ZNF385B: variants seen among roughly 807,000 people sequenced by gnomAD.
The protein encoded by ZNF385B is zinc finger protein 385B, also known as zinc finger protein 533.
Under a neutral mutation model 39.2 loss-of-function variants are expected in ZNF385B, and 23 were observed. The observed-to-expected ratio is 0.59, with a 90% CI of 0.42 to 0.83. The LOEUF is 0.83. Ranked by LOEUF, ZNF385B falls within the 40% of genes least tolerant of loss-of-function variation. The pLI, the probability that ZNF385B is intolerant of heterozygous loss-of-function variation, is 0.00. For missense variants in ZNF385B, 552 were observed against 598.9 expected, an observed-to-expected ratio of 0.92 and a Z score of 0.82; for synonymous variants, 205 against 222.6, an observed-to-expected ratio of 0.92 and a Z score of 0.70.
chr2:179,833,840 G>A (rs1708107398), intron 1 of ZNF385B, among the ~76,000 whole-genome samples: 1 of 151,972 alleles, frequency 6.6e-6, no homozygotes. Context: ...AAGAATGCAG[G>A]TAACTTGTGG....
chr2:179,666,261 A>G (rs1250543253), intron 3 of ZNF385B, among the ~76,000 whole-genome samples: 1 of 152,194 alleles, frequency 6.6e-6, no homozygotes, highest in Non-Finnish European at 1.5e-5. Context: ...ACTGAAAATC[A>G]TGTATTTTAT....
chr2:179,557,830 G>A (rs1169213408), intron 3 of ZNF385B, among the ~76,000 whole-genome samples: 4 of 151,956 alleles, frequency 2.6e-5, no homozygotes, highest in Admixed American at 2.6e-4. Context: ...CCCAAGTAAT[G>A]AACATAGTAC....
At chr2:179,798,133 G>A (rs1041995884) in intron 1 of ZNF385B, among the ~76,000 whole-genome samples, 2 of 151,526 alleles carry the variant, frequency 1.3e-5, no homozygotes, top group Admixed American at 6.6e-5. Context: ...CATGTGTTTC[G>A]ATCTATTACT....
At chr2:179,860,777 T>A in intron 1 of ZNF385B, 1 of 462,486 alleles carries the variant, frequency 2.2e-6, no homozygotes, top group South Asian at 1.6e-5. Context: ...TCCTCGTCCT[T>A]TCCCCTCTCC....
At chr2:179,851,795 A>G (rs1347001666) in intron 1 of ZNF385B, among the ~76,000 whole-genome samples, 1 of 152,228 alleles carries the variant, frequency 6.6e-6, no homozygotes, top group African/African-American at 2.4e-5. Context: ...TGAAGGACTC[A>G]GAAGAATTGT....
chr2:179,861,485 G>T lies in ZNF385B; in HGVS notation c.-539C>A, dbSNP rs886551077. On this transcript the variant is annotated 5_prime_UTR_variant, in exon 1 of 10. Transcript: ENST00000410066. ...CGCCCGCCCCCCTGGCCTGGCCGAG[G>T]ACCCCGGGGTTTGGACGTGCCAACG... The T allele has an allele frequency of 3.3e-5, 5 of 152,280 alleles. No homozygotes were observed. The highest frequency in any genetic ancestry group is 6.6e-5 in the Admixed American group (1 of 15,222). 9.4% of individuals were successfully genotyped at this position (152,280 alleles called of 1,614,324 possible). A position where few individuals can be genotyped will look rare whatever the true frequency, so the allele number is the denominator to read the frequency against.
intron 1 of ZNF385B, among the ~76,000 whole-genome samples, chr2:179,846,125 T>C (rs1708787135): frequency 6.6e-6 from 1 of 152,246 alleles, no homozygotes; most frequent in Non-Finnish European, 1.5e-5. Flanking sequence ...ACAGCATTTT[T>C]AGGTCCCAAA....
chr2:179,702,049 C>T (rs979294638), intron 3 of ZNF385B, among the ~76,000 whole-genome samples: 45 of 152,068 alleles, frequency 3.0e-4, no homozygotes, highest in African/African-American at 1.1e-3. Flanking sequence ...AAAGACTTTT[C>T]ACGTTTTCAT....
chr2:179,541,850 T>C (rs1387537011), intron 4 of ZNF385B, among the ~76,000 whole-genome samples: 1 of 152,128 alleles, frequency 6.6e-6, no homozygotes, highest in Non-Finnish European at 1.5e-5. Flanking sequence ...TCACAATGAA[T>C]GAGGTGGAAG....
intron 3 of ZNF385B, among the ~76,000 whole-genome samples, chr2:179,545,906 A>G (rs780809237): frequency 4.6e-5 from 7 of 152,148 alleles, no homozygotes; most frequent in African/African-American, 1.2e-4. Flanking sequence ...AAACAATCCA[A>G]TTATACTCTT....
At chr2:179,662,694 T>TC (rs910051889) in intron 3 of ZNF385B, among the ~76,000 whole-genome samples, 4 of 152,014 alleles carry the variant, frequency 2.6e-5, no homozygotes, top group African/African-American at 4.8e-5. Context: ...TTTAAGTGAA[T>TC]CCCCCCCAAA....
chr2:179,811,017 T>C (rs1177309683), intron 1 of ZNF385B, among the ~76,000 whole-genome samples: 2 of 152,032 alleles, frequency 1.3e-5, no homozygotes, highest in African/African-American at 4.8e-5. Flanking sequence ...TCAATAATGT[T>C]CAAGCTGAGA....
intron 4 of ZNF385B, 21 bp from the exon 5 acceptor site, chr2:179,518,659 T>C (rs1189788216): frequency 4.0e-6 from 6 of 1,487,846 alleles, no homozygotes; most frequent in African/African-American, 1.4e-5. Flanking sequence ...AATGAAAAAA[T>C]AGTCAATTTG....
At chr2:179,779,100 T>A (rs908278180) in intron 1 of ZNF385B, among the ~76,000 whole-genome samples, 2 of 152,228 alleles carry the variant, frequency 1.3e-5, no homozygotes, top group Non-Finnish European at 2.9e-5. Context: ...GAAGTTGATG[T>A]TCTTTTTTCC....
chr2:179,689,793 G>A (rs952393974), intron 3 of ZNF385B, among the ~76,000 whole-genome samples: 42 of 100,774 alleles, frequency 4.2e-4, no homozygotes, highest in African/African-American at 1.9e-3. Flanking sequence ...ATGTGTGTGT[G>A]TGTGTGTGTG....
At chr2:179,504,624 C>T (rs959228989) in intron 5 of ZNF385B, among the ~76,000 whole-genome samples, 3 of 151,642 alleles carry the variant, frequency 2.0e-5, no homozygotes, top group African/African-American at 7.3e-5. Flanking sequence ...TCTCTGATGG[C>T]CAGTGATGAT....
At chr2:179,445,272 C>T (rs1217276813) in intron 8 of ZNF385B, among the ~76,000 whole-genome samples, 2 of 152,134 alleles carry the variant, frequency 1.3e-5, no homozygotes, top group African/African-American at 4.8e-5. Flanking sequence ...AACATCTTAC[C>T]TTACCAGAAG....
At position 179,593,228 on chromosome 2, in the gene ZNF385B, G is replaced by GA. The variant is rs551175242; in HGVS notation, c.299-48260dup. 6.7e-3 allele frequency among the ~76,000 whole-genome samples: 1,023 copies of GA among 152,092 alleles called. 10 individuals are homozygous for GA. The highest frequency in any genetic ancestry group is 0.017 in the Middle Eastern group (5 of 294). On this transcript the variant is annotated intron_variant, in intron 3 of 9. Transcript: ENST00000410066. The stretch of plus-strand genomic sequence containing the variant: ...AAAATAACATTCAGAAATTGTAAAT[G>GA]AAAAAAATATTAAAGTTTCTGAAAA...
At chr2:179,803,402 A>G (rs1434578688) in intron 1 of ZNF385B, among the ~76,000 whole-genome samples, 3 of 152,190 alleles carry the variant, frequency 2.0e-5, no homozygotes, top group African/African-American at 7.2e-5. Context: ...CATTTTTACT[A>G]GTGCATGACT....
Sources: gnomAD v4.1 joint callset for allele counts (sites outside exome capture counted in the v4.1 genomes callset) on GRCh38, gnomAD v4.1.1 for gene constraint, MANE v1.5 for transcripts, NCBI Gene and HGNC (gene_info 2026-07-23, HGNC 2026-07-21) for gene names.